TMOD1: variants seen among roughly 807,000 people sequenced by gnomAD.
The protein encoded by TMOD1 is tropomodulin 1.
In TMOD1, 17 loss-of-function variants were observed where a neutral mutation model predicts 40.6. The ratio of observed to expected loss-of-function variants is 0.42; its 90% CI spans 0.29 to 0.63. TMOD1 has a LOEUF of 0.63. Ranked by LOEUF, TMOD1 falls within the 20% of genes least tolerant of loss-of-function variation. TMOD1 has a pLI of 0.22. For synonymous variants in TMOD1, 181 were observed against 175.0 expected, an observed-to-expected ratio of 1.03 and a Z score of -0.27; for missense variants, 391 against 447.6, an observed-to-expected ratio of 0.87 and a Z score of 1.14.
At chr9:97,509,729 G>T (rs1375847136) in intron 1 of TMOD1, among the ~76,000 whole-genome samples, 12 of 151,892 alleles carry the variant, frequency 7.9e-5, no homozygotes, top group Admixed American at 7.9e-4. Flanking sequence ...CTGAAAAAGG[G>T]TATACCAATG....
At chr9:97,523,143 A>G (rs1340644212) in intron 1 of TMOD1, among the ~76,000 whole-genome samples, 1 of 152,238 alleles carries the variant, frequency 6.6e-6, no homozygotes, top group Non-Finnish European at 1.5e-5. Flanking sequence ...GGGGAAAAAA[A>G]AGTGTGTGTG....
chr9:97,512,848 T>C (rs1384396093), intron 1 of TMOD1: 1 of 152,170 alleles, frequency 6.6e-6, no homozygotes, highest in Non-Finnish European at 1.5e-5. Flanking sequence ...TGGAAATGTT[T>C]AGTATCTTCA....
intron 1 of TMOD1, chr9:97,512,868 C>T (rs1479670427): frequency 6.6e-6 from 1 of 152,012 alleles, no homozygotes; most frequent in Non-Finnish European, 1.5e-5. Flanking sequence ...ATTTGAATGT[C>T]TACATAGGTA....
chr9:97,541,489 A>T (rs1009582502), intron 2 of TMOD1, among the ~76,000 whole-genome samples: 3 of 151,516 alleles, frequency 2.0e-5, no homozygotes, highest in Admixed American at 2.0e-4. Context: ...GTGCCCAGCC[A>T]CTTGACCATT....
At chr9:97,550,305 C>G (rs1235667942) in intron 3 of TMOD1, among the ~76,000 whole-genome samples, 1 of 152,190 alleles carries the variant, frequency 6.6e-6, no homozygotes, top group East Asian at 1.9e-4. Flanking sequence ...CACCTTCTGG[C>G]TATTGTGATT....
At chr9:97,594,762 G>A (rs1394113795) in intron 9 of TMOD1, among the ~76,000 whole-genome samples, 1 of 152,212 alleles carries the variant, frequency 6.6e-6, no homozygotes, top group African/African-American at 2.4e-5. Context: ...CCAGGGAGGA[G>A]CCGAGCTGTG....
At chr9:97,531,037 A>ACCCCCCCCC (rs1285892432) in intron 2 of TMOD1, among the ~76,000 whole-genome samples, 3 of 92,310 alleles carry the variant, frequency 3.2e-5, no homozygotes, top group African/African-American at 9.0e-5. Flanking sequence ...ATCCACACCC[A>ACCCCCCCCC]CCCCCCCCAC....
chr9:97,515,201 G>GA (rs71369514), intron 1 of TMOD1, among the ~76,000 whole-genome samples: 7,531 of 141,310 alleles, frequency 0.053, 538 homozygotes, highest in African/African-American at 0.16. Context: ...AAACAAAAAT[G>GA]AAAAAAAAAA....
At chr9:97,551,015 T>TATA (rs1491279262) in intron 3 of TMOD1, among the ~76,000 whole-genome samples, 8 of 5,142 alleles carry the variant, frequency 1.6e-3, no homozygotes, top group African/African-American at 3.8e-3. Flanking sequence ...TATATATATA[T>TATA]TTTTTTTTTT....
chr9:97,511,238 G>A (rs551064574), intron 1 of TMOD1, among the ~76,000 whole-genome samples: 3 of 152,242 alleles, frequency 2.0e-5, no homozygotes, highest in African/African-American at 7.2e-5. Context: ...TGTTTAGTGT[G>A]TTTGTTTTTT....
chr9:97,585,588 C>T (rs1253065618), intron 8 of TMOD1, among the ~76,000 whole-genome samples: 1 of 147,836 alleles, frequency 6.8e-6, no homozygotes, highest in African/African-American at 2.5e-5. Flanking sequence ...TGGATAATAT[C>T]CTGCAGAGTG....
At chr9:97,575,606 T>G (rs185359377) in intron 8 of TMOD1, among the ~76,000 whole-genome samples, 448 of 152,344 alleles carry the variant, frequency 2.9e-3, no homozygotes, top group Non-Finnish European at 3.5e-3. Flanking sequence ...TTCCCAGGCC[T>G]CCTTTCTGTT....
At chr9:97,573,141 G>T (rs1389404542) in intron 8 of TMOD1, among the ~76,000 whole-genome samples, 2 of 152,232 alleles carry the variant, frequency 1.3e-5, no homozygotes, top group Non-Finnish European at 2.9e-5. Context: ...CCCCGAGGGA[G>T]CCTGCAGGCC....
intron 9 of TMOD1, among the ~76,000 whole-genome samples, chr9:97,591,736 G>C (rs1826006188): frequency 1.3e-5 from 2 of 152,174 alleles, no homozygotes; most frequent in African/African-American, 2.4e-5. Context: ...GAGGGCACAA[G>C]TCTCGCCGGG....
chr9:97,573,146 C>CA (rs1433212861), intron 8 of TMOD1, among the ~76,000 whole-genome samples: 3 of 152,232 alleles, frequency 2.0e-5, no homozygotes, highest in African/African-American at 7.2e-5. Context: ...AGGGAGCCTG[C>CA]AGGCCCGGCC....
At chr9:97,589,014 G>A (rs1313018447) in intron 8 of TMOD1, among the ~76,000 whole-genome samples, 1 of 150,960 alleles carries the variant, frequency 6.6e-6, no homozygotes, top group Non-Finnish European at 1.5e-5. Flanking sequence ...CTACTCAGGA[G>A]GCTGAGGCAG....
chr9:97,532,912 T>C (rs767315549), intron 2 of TMOD1, among the ~76,000 whole-genome samples: 3 of 152,186 alleles, frequency 2.0e-5, no homozygotes, highest in African/African-American at 4.8e-5. Context: ...GCAAAACCAG[T>C]GCTATGTAGT....
rs1482951306 is a variant in TMOD1, at chr9:97,553,500, A to G, written c.397+100A>G. The G allele has an allele frequency of 4.0e-6, 6 of 1,501,454 alleles. No individual in the cohort carries two copies. In the East Asian group the frequency reaches 1.1e-4, roughly 29 times the overall value. The allele number at this position is 1,501,454 out of a possible 1,614,324, so 93.0% of individuals were successfully genotyped here. A position where few individuals can be genotyped will look rare whatever the true frequency, so the allele number is the denominator to read the frequency against. The stretch of plus-strand genomic sequence containing the variant: ...TCATTTCAGCATGAACACCTTCTCT[A>G]TTTCTAACAAGAACTAGAGGAGACC... On this transcript the variant is annotated intron_variant, in intron 4 of 9. Transcript: ENST00000259365.
intron 9 of TMOD1, among the ~76,000 whole-genome samples, chr9:97,595,446 A>G (rs1826090066): frequency 6.6e-6 from 1 of 151,808 alleles, no homozygotes; most frequent in Non-Finnish European, 1.5e-5. Context: ...TAGATTCCAC[A>G]TATAATTTGT....
Sources: gnomAD v4.1 joint callset for allele counts (sites outside exome capture counted in the v4.1 genomes callset) on GRCh38, gnomAD v4.1.1 for gene constraint, MANE v1.5 for transcripts, NCBI Gene and HGNC (gene_info 2026-07-23, HGNC 2026-07-21) for gene names.